RMDN2: variants seen among roughly 807,000 people sequenced by gnomAD.
RMDN2 encodes regulator of microtubule dynamics protein 2.
RMDN2 carries 61 observed loss-of-function variants against 52.8 expected under a neutral mutation model. The observed-to-expected ratio is 1.16, with a 90% CI of 0.94 to 1.43. RMDN2 has a LOEUF of 1.43. Among genes scored for constraint, RMDN2 ranks in the 40% most tolerant of loss-of-function variants. The pLI is 0.00. For synonymous variants in RMDN2, 180 were observed against 153.1 expected, an observed-to-expected ratio of 1.18 and a Z score of -1.30; for missense variants, 592 against 475.3, an observed-to-expected ratio of 1.25 and a Z score of -2.28.
At chr2:37,968,335 G>GA (rs940958824) in intron 2 of RMDN2, among the ~76,000 whole-genome samples, 8 of 151,492 alleles carry the variant, frequency 5.3e-5, no homozygotes, top group African/African-American at 1.9e-4. Context: ...CCCAGCTTGG[G>GA]GGGCTGAGGC....
intron 8 of RMDN2, chr2:38,002,725 C>G (rs1676487670): frequency 6.6e-6 from 1 of 152,242 alleles, no homozygotes; most frequent in African/African-American, 2.4e-5. Flanking sequence ...ACCTCTGTGG[C>G]ATGAGCCTGA....
chr2:37,959,427 A>C (rs1409275059), intron 2 of RMDN2, among the ~76,000 whole-genome samples: 1 of 150,942 alleles, frequency 6.6e-6, no homozygotes, highest in Non-Finnish European at 1.5e-5. Flanking sequence ...TAGATTTTCT[A>C]GTTTATTTGC....
At chr2:37,981,140 T>C in intron 4 of RMDN2, 143 bp from the exon 5 acceptor site, 1 of 656,660 alleles carries the variant, frequency 1.5e-6, no homozygotes, top group Non-Finnish European at 2.8e-6. Context: ...CCAATGTGGC[T>C]GAAAAGTTCT....
At chr2:37,951,835 C>T in intron 2 of RMDN2, 1 of 1,613,656 alleles carries the variant, frequency 6.2e-7, no homozygotes, top group Non-Finnish European at 8.5e-7. Context: ...GATACAGCCT[C>T]CTATCAACAA....
chr2:38,037,626 C>T (rs977121758), intron 10 of RMDN2, among the ~76,000 whole-genome samples: 1 of 152,214 alleles, frequency 6.6e-6, no homozygotes, highest in African/African-American at 2.4e-5. Context: ...TGGTGTTTGA[C>T]TTGAGTCTTA....
intron 10 of RMDN2, among the ~76,000 whole-genome samples, chr2:38,061,687 CTTATTTTCTCT>C: frequency 7.9e-6 from 1 of 125,884 alleles, no homozygotes; most frequent in South Asian, 2.7e-4. Context: ...TAACTGAAAT[CTTATTTTCTCT>C]CCTGCCACCC....
At chr2:37,990,391 C>G (rs188573839) in intron 6 of RMDN2, among the ~76,000 whole-genome samples, 4 of 150,658 alleles carry the variant, frequency 2.7e-5, no homozygotes, top group Non-Finnish European at 5.9e-5. Flanking sequence ...TGGTGGCGGG[C>G]GCCTGTAATC....
At chr2:38,016,310 A>C (rs1283037606) in intron 10 of RMDN2, among the ~76,000 whole-genome samples, 1 of 152,226 alleles carries the variant, frequency 6.6e-6, no homozygotes, top group East Asian at 1.9e-4. Context: ...AATGAGTATG[A>C]GGAAGTTGTC....
intron 2 of RMDN2, among the ~76,000 whole-genome samples, chr2:37,969,197 C>T (rs767765450): frequency 6.6e-6 from 1 of 151,990 alleles, no homozygotes; most frequent in Non-Finnish European, 1.5e-5. Context: ...TGTCTTGGCT[C>T]TTCTTGCACT....
At chr2:38,024,405 T>TCTCTCACCAACCAACTCTCACCAAA (rs1679620185) in intron 10 of RMDN2, among the ~76,000 whole-genome samples, 6 of 152,226 alleles carry the variant, frequency 3.9e-5, no homozygotes, top group Non-Finnish European at 8.8e-5. Flanking sequence ...CAACAGCGTC[T>TCTCTCACCAACCAACTCTCACCAAA]GAGAGTTCCG....
intron 2 of RMDN2, among the ~76,000 whole-genome samples, chr2:37,930,000 G>T (rs1199263365): frequency 6.6e-6 from 1 of 152,218 alleles, no homozygotes; most frequent in Non-Finnish European, 1.5e-5. Context: ...ACTTGCCAAA[G>T]TGTATAACCT....
intron 10 of RMDN2, among the ~76,000 whole-genome samples, chr2:38,005,868 T>C (rs1677004987): frequency 1.3e-5 from 2 of 152,346 alleles, no homozygotes; most frequent in Admixed American, 6.5e-5. Flanking sequence ...CCATCTTGAA[T>C]TAATTTTTGT....
At position 38,028,728 on chromosome 2, in the gene RMDN2, T is replaced by C. The variant is rs1679963425; in HGVS notation, c.1713+24512T>C. Among the ~76,000 whole-genome samples the C allele has an allele frequency of 2.6e-5, 4 of 152,118 alleles. No individual in the cohort carries two copies. The South Asian group carries it at 8.3e-4, about 32-fold the overall frequency. ...TGCACCTCCCATTCCTACCCCCATCTCACCTCCAATTGTGGGCGGGTCCCA... is the reference window on the plus strand; with the variant it reads ...TGCACCTCCCATTCCTACCCCCATCCCACCTCCAATTGTGGGCGGGTCCCA... On this transcript the variant is annotated intron_variant, in intron 10 of 10. Coordinates refer to the RMDN2 transcript ENST00000234195.
intron 10 of RMDN2, among the ~76,000 whole-genome samples, chr2:38,056,569 A>G (rs143192340): frequency 1.2e-4 from 18 of 152,366 alleles, no homozygotes; most frequent in Non-Finnish European, 2.4e-4. Context: ...CTGAATGTAT[A>G]TAAAACTATA....
intron 2 of RMDN2, among the ~76,000 whole-genome samples, chr2:37,964,226 C>T (rs1005150274): frequency 3.9e-5 from 6 of 152,080 alleles, no homozygotes; most frequent in Non-Finnish European, 5.9e-5. Flanking sequence ...GACAGGGCGG[C>T]TGCCGGGCGG....
chr2:38,005,111 G>A (rs1676894085), intron 10 of RMDN2, among the ~76,000 whole-genome samples: 1 of 152,046 alleles, frequency 6.6e-6, no homozygotes, highest in Non-Finnish European at 1.5e-5. Flanking sequence ...TTGGACATTT[G>A]GGTTGGTTCC....
Position 37,955,171 on chromosome 2 carries a change from T to C in RMDN2, c.453-18869T>C, listed in dbSNP as rs1669292586. On this transcript the variant is annotated intron_variant, in intron 2 of 10. Transcript: ENST00000354545. ...GATACTTTTGCTTCTTCCTTTCTAA[T>C]TTGGATGCCTTTATTTCGTCATCTT... is the stretch of plus-strand genomic sequence containing the variant. Among the ~76,000 whole-genome samples, 3 of 152,124 alleles carry C rather than the reference T, an allele frequency of 2.0e-5. 1 individual carries two copies. Among genetic ancestry groups the C allele is most frequent in the Admixed American group, 2.0e-4 (3 of 15,262 alleles).
chr2:38,052,938 T>A (rs1447423498), intron 10 of RMDN2, among the ~76,000 whole-genome samples: 1 of 152,174 alleles, frequency 6.6e-6, no homozygotes, highest in African/African-American at 2.4e-5. Flanking sequence ...TCAGCAAAAA[T>A]CACTGTGTGG....
intron 2 of RMDN2, chr2:37,951,333 A>G (rs1668763811): frequency 6.2e-7 from 1 of 1,613,012 alleles, no homozygotes; most frequent in Non-Finnish European, 8.5e-7. Flanking sequence ...ACAACCAAGT[A>G]TATCTCTTGG....
Sources: gnomAD v4.1 joint callset for allele counts (sites outside exome capture counted in the v4.1 genomes callset) on GRCh38, gnomAD v4.1.1 for gene constraint, MANE v1.5 for transcripts, NCBI Gene and HGNC (gene_info 2026-07-23, HGNC 2026-07-21) for gene names.